The following ZFPM2 variants were observed in gnomAD, a reference collection of about 807,000 sequenced individuals.
ZFPM2 encodes zinc finger protein, FOG family member 2.
ZFPM2 carries 20 observed loss-of-function variants against 98.6 expected under a neutral mutation model. The ratio of observed to expected loss-of-function variants is 0.20; its 90% confidence interval spans 0.14 to 0.29. ZFPM2 has a LOEUF of 0.29. ZFPM2 is among the 10% of genes least tolerant of loss of function. The pLI, the probability that ZFPM2 is intolerant of heterozygous loss-of-function variation, is 1.00. For missense variants in ZFPM2, 1,310 were observed against 1,388.6 expected, an observed-to-expected ratio of 0.94 and a Z score of 0.90; for synonymous variants, 518 against 502.7, an observed-to-expected ratio of 1.03 and a Z score of -0.41.
In ZFPM2 at chr8:105,801,435, C is replaced by A. The variant is rs1814010815; in HGVS notation, c.1353C>A (p.Asn451Lys). Reference protein sequence around the residue: ...CEKKTQLFLTNQRPEIQPTTN... With the variant: ...CEKKTQLFLTKQRPEIQPTTN... ...AAAAGACTCAGCTCTTTCTCACGAA[C>A]CAGAGACCAGAGATACAGCCTACAA... The change falls in exon 8 of 8, where the codon AAC (asparagine) becomes AAA (lysine). Residue 451 changes from asparagine to lysine, a missense_variant. Physicochemically the swap from Asn to Lys is moderately conservative, Grantham distance 94. Coordinates refer to ENST00000407775, the MANE Select transcript of ZFPM2 (RefSeq NM_012082.4). The A allele has an allele frequency of 6.2e-7, 1 of 1,613,846 alleles. No homozygotes were observed. The highest frequency in any genetic ancestry group is 8.5e-7 in the Non-Finnish European group (1 of 1,179,862).
chr8:105,791,014 T>C (rs1459250410), intron 6 of ZFPM2, among the ~76,000 whole-genome samples: 1 of 152,236 alleles, frequency 6.6e-6, no homozygotes, highest in East Asian at 1.9e-4. Context: ...GTTTTCTAGA[T>C]ATACAATCAT....
intron 1 of ZFPM2, among the ~76,000 whole-genome samples, chr8:105,418,006 A>G (rs1811712009): frequency 6.6e-6 from 1 of 152,142 alleles, no homozygotes; most frequent in Non-Finnish European, 1.5e-5. Context: ...TAGTCCTTTT[A>G]CAACTTGCTT....
At chr8:105,568,610 A>G (rs144445228) in intron 4 of ZFPM2, among the ~76,000 whole-genome samples, 79 of 152,178 alleles carry the variant, frequency 5.2e-4, no homozygotes, top group African/African-American at 1.9e-3. Flanking sequence ...TCCTGCTACC[A>G]CTGCTTTAGT....
At chr8:105,792,942 A>G (rs1196806113) in intron 6 of ZFPM2, among the ~76,000 whole-genome samples, 5 of 152,004 alleles carry the variant, frequency 3.3e-5, no homozygotes, top group Admixed American at 1.3e-4. Context: ...TGCTTGGTAG[A>G]TCTTCCTCCA....
At chr8:105,691,290 G>A (rs192136445) in intron 5 of ZFPM2, among the ~76,000 whole-genome samples, 1,694 of 102,202 alleles carry the variant, frequency 0.017, 93 homozygotes, top group Non-Finnish European at 0.021. Flanking sequence ...CGCCCAGGCC[G>A]GACTGCGGAC....
intron 1 of ZFPM2, among the ~76,000 whole-genome samples, chr8:105,372,855 G>C (rs1353215652): frequency 2.0e-5 from 3 of 152,076 alleles, no homozygotes; most frequent in Non-Finnish European, 4.4e-5. Flanking sequence ...ATTTTAATGG[G>C]AAGCAAGGAA....
intron 5 of ZFPM2, among the ~76,000 whole-genome samples, chr8:105,694,853 A>G (rs1207166485): frequency 6.6e-6 from 1 of 152,186 alleles, no homozygotes; most frequent in Non-Finnish European, 1.5e-5. Context: ...TTACATTAAG[A>G]ACAAATTTCA....
chr8:105,383,711 T>C (rs1810931953), intron 1 of ZFPM2, among the ~76,000 whole-genome samples: 1 of 152,162 alleles, frequency 6.6e-6, no homozygotes, highest in African/African-American at 2.4e-5. Context: ...TCATATATAT[T>C]GTTGCATGCT....
At chr8:105,576,164 A>G (rs531544660) in intron 4 of ZFPM2, among the ~76,000 whole-genome samples, 2 of 152,344 alleles carry the variant, frequency 1.3e-5, no homozygotes, top group South Asian at 2.1e-4. Context: ...CTTACAGCAC[A>G]CGGTAATAAT....
At chr8:105,634,490 C>G (rs1160227104) in intron 5 of ZFPM2, 133 bp downstream of exon 5, 1 of 714,690 alleles carries the variant, frequency 1.4e-6, no homozygotes, top group East Asian at 2.8e-5. Flanking sequence ...TTGAGTTCCT[C>G]TAATGTGTAT....
chr8:105,330,551 TAC>T (rs148196077), intron 1 of ZFPM2, among the ~76,000 whole-genome samples: 2,301 of 67,262 alleles, frequency 0.034, 59 homozygotes, highest in East Asian at 0.087. Context: ...TATATATATA[TAC>T]ATATATATAT....
chr8:105,802,068 A>C lies in ZFPM2; in HGVS notation c.1986A>C (p.Lys662Asn), dbSNP rs1415492392. ...KLSTSSNNDD[K>N]INGKPVDVKN... ...CCACCTCCAGTAACAATGATGACAA[A>C]ATTAATGGAAAACCTGTTGATGTGA... is the stretch of plus-strand genomic sequence containing the variant. Residue 662 changes from lysine (K) to asparagine (N), a missense_variant, in exon 8 of 8, where the codon AAA becomes AAC. Transcript: ENST00000407775. 1.9e-6 allele frequency: 3 copies of C among 1,613,804 alleles called. 1 individual carries two copies. The Admixed American group carries it at 5.0e-5, about 27-fold the overall frequency.
chr8:105,403,990 TAAAAC>T (rs1235268956), intron 1 of ZFPM2, among the ~76,000 whole-genome samples: 3 of 127,660 alleles, frequency 2.3e-5, no homozygotes, highest in Admixed American at 8.4e-5. Context: ...TTATTGGTGT[TAAAAC>T]AACAACAACA....
chr8:105,595,815 C>T (rs1815957229), intron 4 of ZFPM2, among the ~76,000 whole-genome samples: 1 of 151,724 alleles, frequency 6.6e-6, no homozygotes, highest in African/African-American at 2.4e-5. Context: ...TGGTTTTAGC[C>T]ATATGAATAG....
At position 105,567,560 on chromosome 8, in the gene ZFPM2, G is replaced by C. The variant is rs532558043; in HGVS notation, c.420+6079G>C. ...CCACAACCTTACTGGAATTTTCTGG[G>C]ATCAACTTCCCAGTAAACTACTTGT... On this transcript the variant is annotated intron_variant, in intron 4 of 7. Transcript: ENST00000407775. Among the ~76,000 whole-genome samples the C allele has an allele frequency of 5.3e-5, 8 of 152,080 alleles. No homozygotes were observed. In the East Asian group the frequency reaches 9.7e-4, roughly 18 times the overall value.
chr8:105,441,077 C>CCCGG (rs995975450), intron 2 of ZFPM2, among the ~76,000 whole-genome samples: 18 of 152,074 alleles, frequency 1.2e-4, no homozygotes, highest in African/African-American at 4.3e-4. Context: ...ATCACTTGAA[C>CCCGG]CCGGGAGGCA....
intron 1 of ZFPM2, among the ~76,000 whole-genome samples, chr8:105,404,862 T>C (rs4734861): frequency 4.4e-4 from 67 of 152,040 alleles, no homozygotes; most frequent in Non-Finnish European, 7.8e-4. Flanking sequence ...CCACTTATTA[T>C]ATAAGTAAAA....
At chr8:105,635,568 G>A (rs1191794602) in intron 5 of ZFPM2, among the ~76,000 whole-genome samples, 1 of 152,130 alleles carries the variant, frequency 6.6e-6, no homozygotes, top group African/African-American at 2.4e-5. Flanking sequence ...GTGGTATGCT[G>A]GTGGGAGCTT....
At chr8:105,497,593 C>G (rs571256991) in intron 3 of ZFPM2, among the ~76,000 whole-genome samples, 2 of 151,846 alleles carry the variant, frequency 1.3e-5, no homozygotes, top group African/African-American at 2.4e-5. Flanking sequence ...TAAGCTGGAC[C>G]CTTTATCTGT....
Sources: gnomAD v4.1 joint callset for allele counts (sites outside exome capture counted in the v4.1 genomes callset) on GRCh38, gnomAD v4.1.1 for gene constraint, MANE v1.5 for transcripts, NCBI Gene and HGNC (gene_info 2026-07-23, HGNC 2026-07-21) for gene names.